AVEN: variants seen among roughly 807,000 people sequenced by gnomAD.
AVEN encodes the protein cell death regulator Aven.
AVEN carries 41 observed loss-of-function variants against 38.1 expected under a neutral mutation model. The observed-to-expected ratio is 1.08, with a 90% CI of 0.84 to 1.40. The LOEUF (loss-of-function observed/expected upper bound fraction) is 1.40. AVEN is among the 40% of genes most tolerant of loss of function. The pLI, the probability that AVEN is intolerant of heterozygous loss-of-function variation, is 0.00. For synonymous variants in AVEN, 206 were observed against 171.8 expected (o/e 1.20, Z -1.56); for missense variants, 605 against 438.8 (o/e 1.38, Z -3.38).
downstream of AVEN, chr15:33,854,545 T>G: frequency 8.7e-7 from 1 of 1,150,026 alleles, no homozygotes; most frequent in Non-Finnish European, 1.2e-6. Context: ...GGTTCAGGGA[T>G]TGCTTATCAA....
rs557906381 is a variant in AVEN at position 34,012,743 on chromosome 15, A to C, written c.268-9534T>G. Among the ~76,000 whole-genome samples the C allele has an allele frequency of 3.8e-3, 572 of 152,330 alleles. 16 individuals carry two copies. The highest frequency in any genetic ancestry group is 0.035 in the Admixed American group (536 of 15,298). ...TCCAAACTCTCAAGTCGCCAGAGGAAGAGAACTTTAACAAGTAAAGCATTA... is the reference window on the plus strand; with the variant it reads ...TCCAAACTCTCAAGTCGCCAGAGGACGAGAACTTTAACAAGTAAAGCATTA... On this transcript the variant is annotated intron_variant, in intron 1 of 5. Coordinates refer to ENST00000306730, the MANE Select transcript of AVEN (RefSeq NM_020371.3).
At chr15:33,854,544 A>G (rs1162667232), downstream of AVEN, 5 of 1,147,388 alleles carry the variant, frequency 4.4e-6, no homozygotes, top group African/African-American at 1.6e-5. Flanking sequence ...GGGTTCAGGG[A>G]TTGCTTATCA....
intron 2 of AVEN, among the ~76,000 whole-genome samples, chr15:33,944,188 C>T (rs971686252): frequency 3.3e-5 from 5 of 152,216 alleles, no homozygotes; most frequent in African/African-American, 7.2e-5. Flanking sequence ...CACTGAACAA[C>T]GCCTTTACTT....
At chr15:33,853,643 T>C in the AVEN span, 17 of 1,613,820 alleles carry the variant, frequency 1.1e-5, no homozygotes, top group South Asian at 3.3e-5. Context: ...TTTAGCCCAG[T>C]AGAAGAGACC....
intron 5 of AVEN, 143 bp downstream of exon 5, chr15:33,867,352 G>A (rs959806801): frequency 9.2e-6 from 11 of 1,200,130 alleles, no homozygotes; most frequent in African/African-American, 6.1e-5. Context: ...AAGCAGAGAC[G>A]TGAGCACAGA....
intron 2 of AVEN, among the ~76,000 whole-genome samples, chr15:33,887,128 C>T (rs1028062343): frequency 1.3e-5 from 2 of 152,042 alleles, no homozygotes; most frequent in East Asian, 1.9e-4. Context: ...TAATTTTTTT[C>T]GGGTGGCCAT....
intron 2 of AVEN, among the ~76,000 whole-genome samples, chr15:33,880,954 AG>A (rs1891462058): frequency 6.6e-6 from 1 of 152,260 alleles, no homozygotes; most frequent in Admixed American, 6.5e-5. Flanking sequence ...AAAATGTTAG[AG>A]AAAAATGAGT....
At chr15:33,858,097 C>T (rs951625648), downstream of AVEN, 21 of 795,870 alleles carry the variant, frequency 2.6e-5, no homozygotes, top group African/African-American at 3.0e-4. Context: ...CCTGGGAAGA[C>T]AGAAGTGATG....
chr15:33,899,064 G>A (rs76440363), intron 2 of AVEN, among the ~76,000 whole-genome samples: 4,967 of 152,240 alleles, frequency 0.033, 117 homozygotes, highest in Non-Finnish European at 0.049. Context: ...TGATATACTG[G>A]AAAGGTAGGT....
rs918221431 is a variant in AVEN at position 34,062,611 on chromosome 15, G to A, written n.1637+311C>T. On this transcript the variant is annotated intron_variant and non_coding_transcript_variant, in intron 5 of 11. Coordinates refer to the AVEN transcript ENST00000675287. ...GGATGGACAAGAAAATCATGCTGGT[G>A]TGCGAAGCTAATGTGTTTCCCTCTC... 9 of 895,318 alleles carry A rather than the reference G, an allele frequency of 1.0e-5. No individual in the cohort carries two copies. The South Asian group carries it at 1.5e-4, about 15-fold the overall frequency. The allele number at this position is 895,318 out of a possible 1,614,324, so 55.5% of individuals were successfully genotyped here.
intron 2 of AVEN, among the ~76,000 whole-genome samples, chr15:33,938,021 G>T (rs979167413): frequency 6.8e-6 from 1 of 148,002 alleles, no homozygotes; most frequent in Non-Finnish European, 1.5e-5. Context: ...TAAAATAAAG[G>T]AATAATAATC....
intron 1 of AVEN, among the ~76,000 whole-genome samples, chr15:34,071,977 A>AT (rs1900635545): frequency 6.6e-6 from 1 of 152,136 alleles, no homozygotes; most frequent in African/African-American, 2.4e-5. Flanking sequence ...ATTAATACAT[A>AT]TTTTCTGGCC....
chr15:34,012,695 T>C (rs923957228), intron 1 of AVEN, among the ~76,000 whole-genome samples: 2 of 152,232 alleles, frequency 1.3e-5, no homozygotes, highest in Admixed American at 6.5e-5. Context: ...AATAGCTGTC[T>C]TCTGGCCCAC....
intron 2 of AVEN, among the ~76,000 whole-genome samples, chr15:33,957,515 A>C (rs1189582914): frequency 3.9e-5 from 6 of 152,210 alleles, no homozygotes; most frequent in Non-Finnish European, 8.8e-5. Context: ...AGAAATGAAA[A>C]CATATAACCA....
At position 33,983,192 on chromosome 15, in the gene AVEN, A is replaced by ATG. The variant is rs1215911798; in HGVS notation, c.445+19838_445+19839dup. On this transcript the variant is annotated intron_variant, in intron 2 of 5. Coordinates refer to ENST00000306730, the MANE Select transcript of AVEN (RefSeq NM_020371.3). ...TGTGTATATATACACACGTGTGTGT[A>ATG]TGTGTGTGTATATATATATATACAT... 1.6e-4 allele frequency among the ~76,000 whole-genome samples: 11 copies of ATG among 70,298 alleles called. 1 individual carries two copies. Among genetic ancestry groups the ATG allele is most frequent in the South Asian group, 7.4e-4 (1 of 1,346 alleles). The allele number at this position is 70,298 out of a possible 152,430, so 46.1% of individuals were successfully genotyped here.
intron 5 of AVEN, among the ~76,000 whole-genome samples, chr15:34,053,319 A>AAAAAAAAAAT (rs775436850): frequency 7.1e-5 from 3 of 42,102 alleles, no homozygotes; most frequent in Admixed American, 3.8e-4. Flanking sequence ...AAAAAAAAAA[A>AAAAAAAAAAT]ATATATATAT....
intron 2 of AVEN, among the ~76,000 whole-genome samples, chr15:33,912,177 ACTAT>A (rs1395952975): frequency 1.3e-5 from 2 of 152,220 alleles, no homozygotes; most frequent in Non-Finnish European, 2.9e-5. Flanking sequence ...AAGATGTAAC[ACTAT>A]CTACTTCATA....
intron 1 of AVEN, among the ~76,000 whole-genome samples, chr15:34,021,307 C>T (rs1597360685): frequency 1.3e-5 from 2 of 150,552 alleles, no homozygotes; most frequent in African/African-American, 2.4e-5. Flanking sequence ...TTTTTTGAGA[C>T]GGAGTTTCAC....
intron 1 of AVEN, among the ~76,000 whole-genome samples, chr15:34,031,356 A>G (rs1027377928): frequency 4.0e-5 from 6 of 151,714 alleles, no homozygotes; most frequent in Non-Finnish European, 8.8e-5. Flanking sequence ...TATATTTCTA[A>G]TAGCGACAGG....
Sources: allele counts gnomAD v4.1 joint callset (sites outside exome capture counted in the v4.1 genomes callset), GRCh38; gene constraint gnomAD v4.1.1; transcripts MANE v1.5; gene names NCBI Gene and HGNC (gene_info 2026-07-23, HGNC 2026-07-21).